Variants in RNF217 observed in about 807,000 individuals in gnomAD.
RNF217 encodes E3 ubiquitin-protein ligase RNF217.
A neutral mutation model predicts 57.8 loss-of-function variants in RNF217; 31 were observed. That is an observed-to-expected ratio of 0.54 (90% CI 0.40 to 0.72). The LOEUF (loss-of-function observed/expected upper bound fraction) is 0.72. Among genes scored for constraint, RNF217 ranks in the 30% least tolerant of loss-of-function variants. The pLI is 0.00. For missense variants in RNF217, 696 were observed against 708.3 expected, an observed-to-expected ratio of 0.98 and a Z score of 0.20; for synonymous variants, 313 against 294.0, an observed-to-expected ratio of 1.06 and a Z score of -0.66.
intron 2 of RNF217, among the ~76,000 whole-genome samples, chr6:125,051,887 G>A (rs553583279): frequency 1.3e-5 from 2 of 152,096 alleles, no homozygotes; most frequent in East Asian, 1.9e-4. Flanking sequence ...GAATTTTCCA[G>A]TACCCTTTGT....
intron 1 of RNF217, among the ~76,000 whole-genome samples, chr6:125,039,244 T>TA (rs1786777414): frequency 1.3e-5 from 2 of 152,014 alleles, no homozygotes; most frequent in African/African-American, 2.4e-5. Context: ...TTTTCTTTTT[T>TA]AAAAAAATTT....
intron 3 of RNF217, among the ~76,000 whole-genome samples, chr6:125,075,911 T>A (rs1200834083): frequency 2.6e-5 from 4 of 152,064 alleles, no homozygotes; most frequent in Non-Finnish European, 5.9e-5. Context: ...GTATGTTATA[T>A]ATGGTGTATG....
intron 3 of RNF217, among the ~76,000 whole-genome samples, chr6:125,065,896 A>G (rs1441370046): frequency 1.3e-5 from 2 of 152,172 alleles, no homozygotes; most frequent in Non-Finnish European, 2.9e-5. Context: ...GCTACTCAAC[A>G]TCTTCAACCG....
chr6:125,081,695 A>G (rs1438946422), intron 5 of RNF217, among the ~76,000 whole-genome samples, 188 bp downstream of exon 5: 1 of 152,150 alleles, frequency 6.6e-6, no homozygotes, highest in Admixed American at 6.6e-5. Context: ...ATATGTTAGT[A>G]TGAATTTTTC....
chr6:125,027,564 C>T (rs1334495170), intron 1 of RNF217, among the ~76,000 whole-genome samples: 1 of 152,140 alleles, frequency 6.6e-6, no homozygotes, highest in Non-Finnish European at 1.5e-5. Flanking sequence ...TGTTGATGGA[C>T]ACTTAGGTTG....
At chr6:125,010,908 A>G (rs1018829111) in intron 1 of RNF217, among the ~76,000 whole-genome samples, 2 of 152,122 alleles carry the variant, frequency 1.3e-5, no homozygotes, top group African/African-American at 4.8e-5. Context: ...GCAGTTAAAT[A>G]CTCAAAATTT....
At chr6:125,014,375 G>A (rs1785528230) in intron 1 of RNF217, among the ~76,000 whole-genome samples, 2 of 152,098 alleles carry the variant, frequency 1.3e-5, no homozygotes, top group Admixed American at 1.3e-4. Context: ...AATTCTGTGA[G>A]GTATATGTAG....
intron 1 of RNF217, among the ~76,000 whole-genome samples, chr6:125,042,935 A>G (rs1342109728): frequency 2.0e-5 from 3 of 152,210 alleles, no homozygotes; most frequent in Admixed American, 1.3e-4. Context: ...CTTCCCAATA[A>G]CAAGTGCCTC....
chr6:125,060,625 A>G (rs943684000), intron 3 of RNF217, among the ~76,000 whole-genome samples: 3 of 151,984 alleles, frequency 2.0e-5, no homozygotes, highest in Non-Finnish European at 2.9e-5. Flanking sequence ...TTGTTTCTTC[A>G]GTAGAGACGG....
chr6:124,964,357 T>G (rs887631522), intron 1 of RNF217, among the ~76,000 whole-genome samples: 1 of 152,206 alleles, frequency 6.6e-6, no homozygotes. Flanking sequence ...TTATATACTT[T>G]CACAGTATCT....
chr6:125,010,430 C>T (rs1785373983), intron 1 of RNF217, among the ~76,000 whole-genome samples: 1 of 152,122 alleles, frequency 6.6e-6, no homozygotes, highest in African/African-American at 2.4e-5. Flanking sequence ...ATCTGCCTTA[C>T]TGTAATTCTC....
chr6:124,970,921 A>G (rs1352291809), intron 1 of RNF217, among the ~76,000 whole-genome samples: 2 of 152,228 alleles, frequency 1.3e-5, no homozygotes, highest in Non-Finnish European at 2.9e-5. Context: ...GAGGTTTGAA[A>G]TTGACCATCA....
chr6:125,051,288 T>C (rs1327298501), intron 2 of RNF217, among the ~76,000 whole-genome samples: 5 of 151,932 alleles, frequency 3.3e-5, no homozygotes, highest in African/African-American at 7.2e-5. Context: ...CCTATTGTCA[T>C]TGGGTCTTTA....
intron 1 of RNF217, chr6:124,983,285 G>T (rs1405700725): frequency 1.4e-5 from 11 of 798,838 alleles, no homozygotes; most frequent in Non-Finnish European, 1.7e-5. Context: ...GTCTTGTGAT[G>T]TAGAGACAAT....
chr6:125,016,802 G>A (rs570657525), intron 1 of RNF217, among the ~76,000 whole-genome samples: 1 of 152,018 alleles, frequency 6.6e-6, no homozygotes, highest in Admixed American at 6.6e-5. Context: ...GGGGCAAGGG[G>A]AGGAATAACA....
At chr6:124,984,407 G>T (rs1784295109) in intron 1 of RNF217, among the ~76,000 whole-genome samples, 1 of 151,990 alleles carries the variant, frequency 6.6e-6, no homozygotes, top group Non-Finnish European at 1.5e-5. Flanking sequence ...AAGTAACCAG[G>T]TGTGGTGGTG....
intron 3 of RNF217, among the ~76,000 whole-genome samples, chr6:125,060,014 C>A (rs967754397): frequency 3.9e-5 from 6 of 151,988 alleles, no homozygotes; most frequent in African/African-American, 1.4e-4. Context: ...TTTCATTTTT[C>A]TTTCTCTTTT....
intron 1 of RNF217, among the ~76,000 whole-genome samples, chr6:125,034,144 T>C (rs1786493757): frequency 6.6e-6 from 1 of 152,206 alleles, no homozygotes; most frequent in Admixed American, 6.5e-5. Flanking sequence ...ATTTTGTAGG[T>C]TGCCTATTCA....
At chr6:125,051,880 T>C (rs1452564979) in intron 2 of RNF217, among the ~76,000 whole-genome samples, 2 of 151,980 alleles carry the variant, frequency 1.3e-5, no homozygotes, top group Non-Finnish European at 2.9e-5. Context: ...CAGGGAAGAA[T>C]TTTCCAGTAC....
Sources: allele counts gnomAD v4.1 joint callset (sites outside exome capture counted in the v4.1 genomes callset), GRCh38; gene constraint gnomAD v4.1.1; transcripts MANE v1.5; gene names NCBI Gene and HGNC (gene_info 2026-07-23, HGNC 2026-07-21).